Variants in AHR observed in about 807,000 individuals in gnomAD.
The protein encoded by AHR is AH-receptor.
In AHR, 40 loss-of-function variants were observed where a neutral mutation model predicts 86.8. The ratio of observed to expected loss-of-function variants is 0.46; its 90% CI spans 0.36 to 0.60. The LOEUF (loss-of-function observed/expected upper bound fraction) is 0.60. AHR is among the 20% of genes least tolerant of loss of function. The pLI is 0.00. For missense variants in AHR, 1,001 were observed against 1,011.6 expected (o/e 0.99, Z 0.14); for synonymous variants, 398 against 354.9 (o/e 1.12, Z -1.37).
At chr7:17,338,052 A>C (rs2115368821) in intron 9 of AHR, among the ~76,000 whole-genome samples, 1 of 151,622 alleles carries the variant, frequency 6.6e-6, no homozygotes, top group Non-Finnish European at 1.5e-5. Flanking sequence ...ACAAAAAATT[A>C]GCCGGGCGTT....
At chr7:17,336,675 G>C (rs925233933) in intron 9 of AHR, among the ~76,000 whole-genome samples, 1 of 152,170 alleles carries the variant, frequency 6.6e-6, no homozygotes, top group East Asian at 1.9e-4. Flanking sequence ...TGAACATGAT[G>C]AATGTATGTA....
chr7:17,307,999 A>G (rs1226477797), intron 1 of AHR, among the ~76,000 whole-genome samples: 1 of 152,048 alleles, frequency 6.6e-6, no homozygotes, highest in Non-Finnish European at 1.5e-5. Context: ...CACGTCTGTC[A>G]CCCCTTAGTT....
intron 6 of AHR, among the ~76,000 whole-genome samples, chr7:17,331,901 G>C (rs1206691857): frequency 1.3e-5 from 2 of 151,928 alleles, no homozygotes; most frequent in East Asian, 3.8e-4. Flanking sequence ...ACATTACCAA[G>C]CAATGATTTT....
rs750203676 is a variant in AHR, at chr7:17,339,166, C to G, written c.1341C>G (p.Ser447Arg). 4 of 1,614,054 alleles carry G rather than the reference C, an allele frequency of 2.5e-6. No homozygotes were observed. The African/African-American group carries it at 5.3e-5, about 22-fold the overall frequency. Residue 447 changes from serine (S) to arginine (R), a missense_variant, in exon 10 of 11, where the codon AGC becomes AGG. By Grantham distance (110) the Ser-to-Arg change is moderately radical (BLOSUM62 -1). Coordinates refer to ENST00000242057, the MANE Select transcript of AHR (RefSeq NM_001621.5). ...ACTCTGCTACCACATCCACTCTAAG[C>G]AAGGACTCTCTCAATCCTAGTTCCC... is the stretch of plus-strand genomic sequence containing the variant. ...GKDSATTSTL[S>R]KDSLNPSSLL...
rs771252130 is a variant in AHR at position 17,335,007 on chromosome 7, G to T, written c.1018+11G>T. On this transcript the variant is annotated intron_variant, in intron 8 of 10. Transcript: ENST00000242057. Reference sequence around the variant, plus strand: ...AGTCCCATATCCGAAGTAAGTTGTAGTTCCTTATGAACATGTCAGAAGAAA... The same window carrying T: ...AGTCCCATATCCGAAGTAAGTTGTATTTCCTTATGAACATGTCAGAAGAAA... 2 of 1,595,010 alleles carry T rather than the reference G, an allele frequency of 1.3e-6. No individual in the cohort carries two copies. Among genetic ancestry groups the T allele is most frequent in the Non-Finnish European group, 1.7e-6 (2 of 1,164,008 alleles).
chr7:17,298,859 G>T lies in AHR; in HGVS notation c.-406G>T. ...CCTCCCTCACCCAAGGGGCCGCGGCGACGGTCACGGGGCGCGGCGCCACCG... is the reference window on the plus strand; with the variant it reads ...CCTCCCTCACCCAAGGGGCCGCGGCTACGGTCACGGGGCGCGGCGCCACCG... On this transcript the variant is annotated 5_prime_UTR_variant, in exon 1 of 11. Coordinates refer to ENST00000242057, the MANE Select transcript of AHR (RefSeq NM_001621.5). 2.5e-6 allele frequency: 1 copy of T among 398,686 alleles called. No homozygotes were observed. The highest frequency in any genetic ancestry group is 1.3e-4 in the South Asian group (1 of 7,994). The allele number at this position is 398,686 out of a possible 1,614,324, so 24.7% of individuals were successfully genotyped here.
In AHR at chr7:17,339,057, C is replaced by T; in HGVS notation, c.1232C>T (p.Ala411Val). Residue 411 changes from alanine (A) to valine (V), a missense_variant, in exon 10 of 11, where the codon GCT (alanine) becomes GTT (valine). By Grantham distance (64) the Ala-to-Val change is moderately conservative. This residue lies in a region of AHR where 607 missense variants were observed against 543.1 expected (regional missense o/e 1.12). Transcript: ENST00000242057. ...CCTTTTATGTTTACCACTGGAGAAG[C>T]TGTGTTGTATGAGGCAACCAACCCT... ...KLPFMFTTGE[A>V]VLYEATNPFP... The T allele has an allele frequency of 6.2e-7, 1 of 1,614,076 alleles. No individual in the cohort carries two copies. The highest frequency in any genetic ancestry group is 8.5e-7 in the Non-Finnish European group (1 of 1,179,998).
intron 2 of AHR, among the ~76,000 whole-genome samples, chr7:17,311,897 C>T (rs946079524): frequency 4.6e-5 from 7 of 152,196 alleles, no homozygotes; most frequent in Non-Finnish European, 8.8e-5. Context: ...TTCTGGGAAC[C>T]TTCGCATAGG....
chr7:17,335,948 G>C, intron 9 of AHR, 162 bp downstream of exon 9: 1 of 664,568 alleles, frequency 1.5e-6, no homozygotes, highest in Non-Finnish European at 2.4e-6. Context: ...TGAGAAGATA[G>C]AATTGACGAA....
chr7:17,345,662 A>G lies in AHR; in HGVS notation c.*2598A>G, dbSNP rs914983813. The G allele has an allele frequency of 1.2e-4, 18 of 152,668 alleles. No homozygotes were observed. Among genetic ancestry groups the G allele is most frequent in the African/African-American group, 3.9e-4 (16 of 41,462 alleles). 9.5% of individuals were successfully genotyped at this position (152,668 alleles called of 1,614,324 possible). A position where few individuals can be genotyped will look rare whatever the true frequency, so the allele number is the denominator to read the frequency against. ...CTTTTTAATCATGAATATGATGACAATCAGTTATACAGTTATAAAATTAAA... is the reference window on the plus strand; with the variant it reads ...CTTTTTAATCATGAATATGATGACAGTCAGTTATACAGTTATAAAATTAAA... On this transcript the variant is annotated 3_prime_UTR_variant, in exon 11 of 11. Transcript: ENST00000242057.
Position 17,327,856 on chromosome 7 carries a change from T to C in AHR, c.450+8T>C. On this transcript the variant is annotated splice_region_variant and intron_variant, in intron 4 of 10. Transcript: ENST00000242057. ...TATCTAGGGTTTCAGCAGGTAAGTA[T>C]ATATTATTTATATCATTTATATTAT... 1 of 1,211,166 alleles carries C rather than the reference T, an allele frequency of 8.3e-7. No individual in the cohort carries two copies. Among genetic ancestry groups the C allele is most frequent in the South Asian group, 2.1e-5 (1 of 47,930 alleles). The allele number at this position is 1,211,166 out of a possible 1,614,324, so 75.0% of individuals were successfully genotyped here.
intron 9 of AHR, among the ~76,000 whole-genome samples, chr7:17,337,926 C>T (rs953548033): frequency 2.0e-5 from 3 of 151,520 alleles, no homozygotes; most frequent in African/African-American, 7.3e-5. Flanking sequence ...ATTATAAATA[C>T]ATTATGTTAC....
chr7:17,302,331 T>G (rs999397915), intron 1 of AHR, among the ~76,000 whole-genome samples: 15 of 151,966 alleles, frequency 9.9e-5, no homozygotes, highest in Non-Finnish European at 2.1e-4. Context: ...TGATAAAAAC[T>G]TTTACTTTTA....
At chr7:17,304,439 T>G (rs1324344288) in intron 1 of AHR, among the ~76,000 whole-genome samples, 1 of 152,108 alleles carries the variant, frequency 6.6e-6, no homozygotes, top group Non-Finnish European at 1.5e-5. Context: ...CATCTTCCTG[T>G]TTATTAGCAT....
At chr7:17,337,985 G>T (rs1319616645) in intron 9 of AHR, among the ~76,000 whole-genome samples, 1 of 150,870 alleles carries the variant, frequency 6.6e-6, no homozygotes, top group East Asian at 2.0e-4. Context: ...GGATCACGAG[G>T]TCAGGAGATC....
chr7:17,340,321 G>A lies in AHR; in HGVS notation c.2403+93G>A, dbSNP rs182336448. 4.2e-4 allele frequency: 607 copies of A among 1,440,684 alleles called. 3 individuals carry two copies. In the African/African-American group the frequency reaches 7.9e-3, roughly 19 times the overall value. 89.2% of individuals were successfully genotyped at this position (1,440,684 alleles called of 1,614,324 possible). A position where few individuals can be genotyped will look rare whatever the true frequency, so the allele number is the denominator to read the frequency against. On this transcript the variant is annotated intron_variant, in intron 10 of 10. Transcript: ENST00000242057. ...TTTTTTATGTCAGCTGATTTTAATC[G>A]GTTATCTACAGCATTCATGGAGACA...
chr7:17,300,607 T>G (rs563980564), intron 1 of AHR, among the ~76,000 whole-genome samples: 69 of 152,328 alleles, frequency 4.5e-4, no homozygotes, highest in Non-Finnish European at 9.0e-4. Flanking sequence ...AGTTTTATGG[T>G]ACAGTGTGTC....
At chr7:17,322,477 AT>A in intron 2 of AHR, 23 bp from the exon 3 acceptor site, 3 of 1,487,632 alleles carry the variant, frequency 2.0e-6, no homozygotes, top group Non-Finnish European at 2.8e-6. Context: ...TTTTAAAATC[AT>A]TGTTTTTCCT....
chr7:17,301,954 A>G (rs1189648274), intron 1 of AHR, among the ~76,000 whole-genome samples: 2 of 151,936 alleles, frequency 1.3e-5, no homozygotes, highest in South Asian at 2.1e-4. Flanking sequence ...TAGTGACCCT[A>G]CTCAGAAAAA....
Sources: allele counts gnomAD v4.1 joint callset (sites outside exome capture counted in the v4.1 genomes callset), GRCh38; gene constraint gnomAD v4.1.1; regional missense constraint gnomAD v4.1.1; transcripts MANE v1.5; gene names NCBI Gene and HGNC (gene_info 2026-07-23, HGNC 2026-07-21).